Variants in FAM193A observed in about 807,000 individuals in gnomAD.
The protein encoded by FAM193A is family with sequence similarity 193 member A, also known as protein FAM193A.
Under a neutral mutation model 126.5 loss-of-function variants are expected in FAM193A, and 22 were observed. The ratio of observed to expected loss-of-function variants is 0.17; its 90% CI spans 0.12 to 0.25. The LOEUF (loss-of-function observed/expected upper bound fraction) is 0.25, where lower values mean the gene tolerates loss of function less well. FAM193A is among the 10% of genes least tolerant of loss of function. The probability of loss-of-function intolerance (pLI) is 1.00; values close to 1 mark genes in which losing one functional copy is unlikely to be tolerated. For missense variants in FAM193A, 1,675 were observed against 1,672.8 expected, an observed-to-expected ratio of 1.00 and a Z score of -0.02; for synonymous variants, 761 against 646.8, an observed-to-expected ratio of 1.18 and a Z score of -2.68.
At chr4:2,639,460 A>G (rs1286290851) in intron 5 of FAM193A, among the ~76,000 whole-genome samples, 2 of 152,126 alleles carry the variant, frequency 1.3e-5, no homozygotes, top group Admixed American at 6.5e-5. Flanking sequence ...CTCTGTGCAC[A>G]CCTGTCACCC....
At chr4:2,718,731 A>AT (rs777490357) in intron 20 of FAM193A, among the ~76,000 whole-genome samples, 7 of 149,846 alleles carry the variant, frequency 4.7e-5, no homozygotes, top group South Asian at 2.1e-4. Context: ...TCAAAAATAA[A>AT]TTTTTTTTTT....
intron 7 of FAM193A, chr4:2,655,166 C>T: frequency 3.0e-6 from 2 of 672,362 alleles, no homozygotes; most frequent in African/African-American, 1.8e-5. Flanking sequence ...GCTTGCCATA[C>T]AGACTTTTGA....
At chr4:2,642,225 A>C (rs1744707000) in intron 6 of FAM193A, among the ~76,000 whole-genome samples, 1 of 151,818 alleles carries the variant, frequency 6.6e-6, no homozygotes, top group South Asian at 2.1e-4. Flanking sequence ...AATGGCGTGA[A>C]CCTGGGAGCG....
chr4:2,568,002 T>C (rs920186846), intron 1 of FAM193A, among the ~76,000 whole-genome samples: 1 of 152,202 alleles, frequency 6.6e-6, no homozygotes, highest in Non-Finnish European at 1.5e-5. Flanking sequence ...AAGCCTGTTA[T>C]CTACTACTTC....
chr4:2,657,005 A>G (rs1314106200), intron 7 of FAM193A, among the ~76,000 whole-genome samples: 2 of 152,140 alleles, frequency 1.3e-5, no homozygotes, highest in East Asian at 1.9e-4. Flanking sequence ...CGTCTCTAGT[A>G]AAAATAGAAA....
At chr4:2,620,520 C>T (rs1465037529) in intron 2 of FAM193A, among the ~76,000 whole-genome samples, 1 of 152,108 alleles carries the variant, frequency 6.6e-6, no homozygotes, top group African/African-American at 2.4e-5. Flanking sequence ...GCACCGCGCT[C>T]ATAATCAGAA....
At chr4:2,565,673 G>A (rs1317917193) in intron 1 of FAM193A, among the ~76,000 whole-genome samples, 1 of 151,530 alleles carries the variant, frequency 6.6e-6, no homozygotes, top group East Asian at 1.9e-4. Context: ...TGAGAAATGG[G>A]TTCACCACAT....
chr4:2,579,192 C>T (rs553879358), intron 1 of FAM193A, among the ~76,000 whole-genome samples: 34 of 152,024 alleles, frequency 2.2e-4, no homozygotes, highest in African/African-American at 7.5e-4. Flanking sequence ...TAATCCAGAG[C>T]GTACCTTCAA....
chr4:2,608,667 A>G (rs1741684567), intron 2 of FAM193A, among the ~76,000 whole-genome samples: 1 of 152,074 alleles, frequency 6.6e-6, no homozygotes, highest in Non-Finnish European at 1.5e-5. Context: ...GTTGGTCTTA[A>G]TAACATTCTA....
intron 2 of FAM193A, among the ~76,000 whole-genome samples, chr4:2,603,099 G>A (rs1027255845): frequency 6.7e-6 from 1 of 148,628 alleles, no homozygotes; most frequent in Admixed American, 6.8e-5. Context: ...CTCCTGAGTA[G>A]CTGGGATTAC....
At chr4:2,635,178 C>T (rs1428934432) in intron 5 of FAM193A, among the ~76,000 whole-genome samples, 2 of 152,142 alleles carry the variant, frequency 1.3e-5, no homozygotes, top group African/African-American at 2.4e-5. Context: ...TTGGGTTATT[C>T]CAATCAGGAC....
intron 6 of FAM193A, among the ~76,000 whole-genome samples, chr4:2,646,452 G>T (rs1053056396): frequency 6.6e-6 from 1 of 152,044 alleles, no homozygotes; most frequent in African/African-American, 2.4e-5. Flanking sequence ...GATTACAGGT[G>T]TGAGCCACTG....
chr4:2,577,535 C>T (rs894175790), intron 1 of FAM193A, among the ~76,000 whole-genome samples: 4 of 150,932 alleles, frequency 2.7e-5, no homozygotes, highest in African/African-American at 7.3e-5. Context: ...TCTACTGCCT[C>T]AGCCTCCTGA....
Position 2,731,910 on chromosome 4 carries a change from G to C in FAM193A, c.*42G>C, listed in dbSNP as rs772372139. The C allele has an allele frequency of 6.9e-7, 1 of 1,458,176 alleles. No individual in the cohort carries two copies. Among genetic ancestry groups the C allele is most frequent in the Non-Finnish European group, 9.6e-7 (1 of 1,039,508 alleles). 90.3% of individuals were successfully genotyped at this position (1,458,176 alleles called of 1,614,324 possible). On this transcript the variant is annotated 3_prime_UTR_variant, in exon 21 of 21. Coordinates refer to ENST00000637812, the MANE Select transcript of FAM193A (RefSeq NM_001366318.2). ...GAGGGACACGCGAGAGGCAGGCCAG[G>C]CTGCACCACCCCAAGAGCCACGCCC...
chr4:2,710,042 C>A (rs1359930565), intron 19 of FAM193A, among the ~76,000 whole-genome samples: 1 of 151,592 alleles, frequency 6.6e-6, no homozygotes, highest in Non-Finnish European at 1.5e-5. Context: ...TTTCGCCTGT[C>A]ATTTCTTAGT....
chr4:2,628,699 C>CAG (rs1213053156), intron 4 of FAM193A, among the ~76,000 whole-genome samples: 6 of 152,162 alleles, frequency 3.9e-5, no homozygotes, highest in African/African-American at 1.4e-4. Context: ...GTATAACCTT[C>CAG]ACGTCAAACC....
chr4:2,701,324 TG>T (rs1282989397), intron 19 of FAM193A, among the ~76,000 whole-genome samples: 6 of 151,202 alleles, frequency 4.0e-5, no homozygotes, highest in Non-Finnish European at 8.9e-5. Context: ...TCTCCTGACA[TG>T]GGATCCAATC....
At chr4:2,547,606 G>C (rs1015168808) in intron 1 of FAM193A, among the ~76,000 whole-genome samples, 1 of 146,940 alleles carries the variant, frequency 6.8e-6, no homozygotes, top group African/African-American at 2.5e-5. Flanking sequence ...GTGTGTGTCT[G>C]TGTGTGTGTG....
intron 2 of FAM193A, among the ~76,000 whole-genome samples, chr4:2,617,258 A>ATT (rs1560484820): frequency 2.7e-5 from 1 of 37,274 alleles, no homozygotes; most frequent in African/African-American, 2.8e-4. Context: ...ATATATATAT[A>ATT]TATATTTTTT....
Sources: gnomAD v4.1 joint callset for allele counts (sites outside exome capture counted in the v4.1 genomes callset) on GRCh38, gnomAD v4.1.1 for gene constraint, MANE v1.5 for transcripts, NCBI Gene and HGNC (gene_info 2026-07-23, HGNC 2026-07-21) for gene names.